CC2D2B: variants seen among roughly 807,000 people sequenced by gnomAD.
CC2D2B encodes the protein protein CC2D2B.
A neutral mutation model predicts 161.2 loss-of-function variants in CC2D2B; 128 were observed. The ratio of observed to expected loss-of-function variants is 0.79; its 90% CI spans 0.69 to 0.92. The LOEUF (loss-of-function observed/expected upper bound fraction) is 0.92, where lower values mean the gene tolerates loss of function less well. CC2D2B is among the 40% of genes least tolerant of loss of function. The pLI, the probability that CC2D2B is intolerant of heterozygous loss-of-function variation, is 0.00. For synonymous variants in CC2D2B, 391 were observed against 449.8 expected (o/e 0.87, Z 1.65); for missense variants, 1,173 against 1,375.1 (o/e 0.85, Z 2.32).
At chr10:96,024,408 G>C (rs770506300) in intron 32 of CC2D2B, among the ~76,000 whole-genome samples, 7 of 152,226 alleles carry the variant, frequency 4.6e-5, no homozygotes, top group Non-Finnish European at 1.0e-4. Context: ...ATATGTGCCA[G>C]GCTTTACATG....
rs1423546584 is a variant in CC2D2B at position 96,014,703 on chromosome 10, C to T, written c.3516+826C>T. On this transcript the variant is annotated intron_variant, in intron 29 of 34. Transcript: ENST00000646931. The stretch of plus-strand genomic sequence containing the variant: ...TAAAAAGACTAAATGTAGTAACATG[C>T]AAAGCATCTGGACCTCAGGAAAACT... 2.8e-4 allele frequency among the ~76,000 whole-genome samples: 42 copies of T among 152,166 alleles called. 1 individual carries two copies. The highest frequency in any genetic ancestry group is 4.4e-5 in the Non-Finnish European group (3 of 68,016).
At position 95,993,946 on chromosome 10, in the gene CC2D2B, GTATGTGTATATATATATATATATA is replaced by G. The variant is rs1300960694; in HGVS notation, c.2642+1253_2642+1276del. Among the ~76,000 whole-genome samples, 129 of 28,998 alleles carry G rather than the reference GTATGTGTATATATATATATATATA, an allele frequency of 4.4e-3. 7 individuals carry two copies. Among genetic ancestry groups the G allele is most frequent in the Non-Finnish European group, 6.1e-3 (73 of 11,980 alleles). 19.0% of individuals were successfully genotyped at this position (28,998 alleles called of 152,430 possible). On this transcript the variant is annotated intron_variant, in intron 22 of 34. Transcript: ENST00000646931. ...TGTGTGTGTGTGTGTGTGTGTGTAT[GTATGTGTATATATATATATATATA>G]TATATATATATATATATATATATAT...
intron 2 of CC2D2B, chr10:95,919,441 C>G (rs1449256114): frequency 1.3e-5 from 2 of 152,136 alleles, no homozygotes; most frequent in Admixed American, 1.3e-4. Context: ...GGGAGAATTC[C>G]CTGGATTACC....
At chr10:95,926,843 TG>T (rs1175747245) in intron 5 of CC2D2B, among the ~76,000 whole-genome samples, 9 of 140,302 alleles carry the variant, frequency 6.4e-5, no homozygotes, top group Non-Finnish European at 1.4e-4. Context: ...TGTGTGTGTG[TG>T]TGTCTGTGTG....
chr10:95,931,038 T>C (rs934316877), intron 6 of CC2D2B, among the ~76,000 whole-genome samples: 11 of 152,244 alleles, frequency 7.2e-5, no homozygotes, highest in African/African-American at 2.7e-4. Context: ...GTTGGTAGGC[T>C]ATTAATTATT....
intron 6 of CC2D2B, among the ~76,000 whole-genome samples, chr10:95,935,582 G>A: frequency 6.6e-6 from 1 of 150,728 alleles, no homozygotes; most frequent in Non-Finnish European, 1.5e-5. Context: ...GCACCTCTCT[G>A]ACTTTATTTC....
At chr10:95,996,348 CTTTA>C (rs987924661) in intron 24 of CC2D2B, 96 bp downstream of exon 24, 8 of 597,838 alleles carry the variant, frequency 1.3e-5, no homozygotes, top group Middle Eastern at 4.5e-4. Context: ...TTGAAATAGG[CTTTA>C]TTTAAGCTTT....
chr10:96,010,803 A>G (rs1372784642), intron 26 of CC2D2B, among the ~76,000 whole-genome samples: 2 of 152,162 alleles, frequency 1.3e-5, no homozygotes, highest in Non-Finnish European at 2.9e-5. Flanking sequence ...CAAGCAAATA[A>G]GGGCTTAATT....
In CC2D2B at chr10:95,938,155, G is replaced by A. The variant is rs2075892657; in HGVS notation, c.501G>A (p.Gln167=). 1 of 1,550,160 alleles carries A rather than the reference G, an allele frequency of 6.5e-7. No homozygotes were observed. Among genetic ancestry groups the A allele is most frequent in the South Asian group, 1.2e-5 (1 of 83,994 alleles). ...YEDDQEQIKK[Q]KANIFVPSSS... is the part of the protein sequence containing the mutation. ...ATGATCAAGAACAAATAAAAAAACA[G>A]AAGGCAAATATTTTTGTACCAAGTA... Residue 167 remains glutamine (Q), a synonymous_variant, in exon 7 of 35, where the codon CAG becomes CAA. Coordinates refer to ENST00000646931, the MANE Select transcript of CC2D2B (RefSeq NM_001349008.3).
intron 6 of CC2D2B, among the ~76,000 whole-genome samples, chr10:95,929,829 G>A (rs2098546503): frequency 6.6e-6 from 1 of 152,210 alleles, no homozygotes; most frequent in Non-Finnish European, 1.5e-5. Context: ...CAGGTAGCGT[G>A]ATGCCTACAG....
intron 3 of CC2D2B, among the ~76,000 whole-genome samples, chr10:95,922,546 C>T (rs2098529427): frequency 6.6e-6 from 1 of 152,200 alleles, no homozygotes; most frequent in Admixed American, 6.5e-5. Context: ...TGTGGTTAAA[C>T]ATGAAGATTC....
intron 6 of CC2D2B, among the ~76,000 whole-genome samples, chr10:95,936,812 T>C (rs991508938): frequency 1.3e-5 from 2 of 152,132 alleles, no homozygotes; most frequent in African/African-American, 4.8e-5. Flanking sequence ...GAGCCCAGCG[T>C]AGTCTACCAT....
chr10:95,961,928 G>T lies in CC2D2B; in HGVS notation c.1209G>T (p.Gly403=), dbSNP rs535288136. 214 of 1,231,448 alleles carry T rather than the reference G, an allele frequency of 1.7e-4. No homozygotes were observed. The highest frequency in any genetic ancestry group is 2.1e-4 in the Non-Finnish European group (207 of 987,602). The allele number at this position is 1,231,448 out of a possible 1,614,324, so 76.3% of individuals were successfully genotyped here. ...AACAGATTAAATCTCTTCGACATGG[G>T]CAAGGGTTTACAAGCACCCCAATAA... ...TWKQIKSLRH[G]QGFTSTPIKL... Residue 403 remains glycine, a synonymous_variant, in exon 12 of 35, where the codon GGG becomes GGT. Coordinates refer to ENST00000646931, the MANE Select transcript of CC2D2B (RefSeq NM_001349008.3).
chr10:95,991,268 G>A lies in CC2D2B; in HGVS notation c.2380-102G>A, dbSNP rs539081668. The A allele has an allele frequency of 1.4e-5, 5 of 360,692 alleles. No homozygotes were observed. In the South Asian group the frequency reaches 7.4e-4, roughly 53 times the overall value. 22.3% of individuals were successfully genotyped at this position (360,692 alleles called of 1,614,324 possible). A position where few individuals can be genotyped will look rare whatever the true frequency, so the allele number is the denominator to read the frequency against. Reference sequence around the variant, plus strand: ...TAATCTCCTACTCCATTCATTGCTTGCAAAAATTAGGAGTAAAATATACTG... The same window carrying A: ...TAATCTCCTACTCCATTCATTGCTTACAAAAATTAGGAGTAAAATATACTG... On this transcript the variant is annotated intron_variant, in intron 20 of 34. Transcript: ENST00000646931.
intron 34 of CC2D2B, among the ~76,000 whole-genome samples, chr10:96,029,261 TATATATA>T (rs1434305660): frequency 1.1e-4 from 6 of 53,428 alleles, no homozygotes; most frequent in African/African-American, 6.7e-4. Context: ...TATATATATA[TATATATA>T]TATATATATA....
At chr10:95,932,415 T>C (rs913167729) in intron 6 of CC2D2B, among the ~76,000 whole-genome samples, 1 of 152,236 alleles carries the variant, frequency 6.6e-6, no homozygotes, top group African/African-American at 2.4e-5. Context: ...AATCTGATAC[T>C]GTCATTACGA....
chr10:96,031,897 C>T lies in CC2D2B; in HGVS notation c.4203C>T (p.His1401=). The T allele has an allele frequency of 2.5e-6, 4 of 1,613,092 alleles. No homozygotes were observed. The highest frequency in any genetic ancestry group is 3.4e-6 in the Non-Finnish European group (4 of 1,179,096). Residue 1401 remains histidine (H), a synonymous_variant, in exon 35 of 35, where the codon CAC becomes CAT. Transcript: ENST00000646931. The part of the protein sequence containing the change: ...IIDAVYQTGI[H]SAEFPQTEFA... ...ATGCTGTTTATCAAACTGGAATTCA[C>T]TCTGCTGAATTTCCCCAGACAGAAT...
intron 12 of CC2D2B, among the ~76,000 whole-genome samples, chr10:95,964,433 A>G (rs2076871849): frequency 6.6e-6 from 1 of 152,186 alleles, no homozygotes; most frequent in Non-Finnish European, 1.5e-5. Context: ...TGGTGATTTT[A>G]ATATGTAACA....
chr10:95,992,549 A>T lies in CC2D2B; in HGVS notation c.2494A>T (p.Lys832Ter). The change falls in exon 22 of 35, where the codon AAG becomes TAG. Residue 832 changes from lysine (K) to a stop codon, truncating the protein, a stop_gained. Coordinates refer to ENST00000646931, the MANE Select transcript of CC2D2B (RefSeq NM_001349008.3). LOFTEE classifies it high-confidence loss of function. Reference sequence around the variant, plus strand: ...TAGCCAATTGACAGATGCAGTTTGTAAGTTTGTTGAACCACGGAGAAAGTT... The same window carrying T: ...TAGCCAATTGACAGATGCAGTTTGTTAGTTTGTTGAACCACGGAGAAAGTT... The part of the protein sequence containing the change: ...STSQLTDAVC[K>*]FVEPRRKLKP... 8.1e-7 allele frequency: 1 copy of T among 1,234,236 alleles called. No homozygotes were observed. The highest frequency in any genetic ancestry group is 1.0e-6 in the Non-Finnish European group (1 of 988,070). 76.5% of individuals were successfully genotyped at this position (1,234,236 alleles called of 1,614,324 possible). A position where few individuals can be genotyped will look rare whatever the true frequency, so the allele number is the denominator to read the frequency against.
Sources: allele counts gnomAD v4.1 joint callset (sites outside exome capture counted in the v4.1 genomes callset), GRCh38; gene constraint gnomAD v4.1.1; transcripts MANE v1.5; gene names NCBI Gene and HGNC (gene_info 2026-07-23, HGNC 2026-07-21).